The following ILDR2 variants were observed in gnomAD, a reference collection of about 807,000 sequenced individuals.
The protein encoded by ILDR2 is immunoglobulin like domain containing receptor 2, also known as immunoglobulin-like domain-containing receptor 2.
A neutral mutation model predicts 66.8 loss-of-function variants in ILDR2; 25 were observed. The observed-to-expected ratio is 0.37, with a 90% CI of 0.27 to 0.52. ILDR2 has a LOEUF of 0.52. ILDR2 is among the 20% of genes least tolerant of loss of function. The probability of loss-of-function intolerance (pLI) is 0.88; values close to 1 mark genes in which losing one functional copy is unlikely to be tolerated. For missense variants in ILDR2, 827 were observed against 876.8 expected (o/e 0.94, Z 0.72); for synonymous variants, 367 against 357.2 (o/e 1.03, Z -0.31).
At chr1:166,923,652 A>G (rs1396470124) in intron 7 of ILDR2, among the ~76,000 whole-genome samples, 3 of 152,208 alleles carry the variant, frequency 2.0e-5, no homozygotes, top group Non-Finnish European at 2.9e-5. Flanking sequence ...AAAAATACAA[A>G]TGGGGGTATC....
intron 3 of ILDR2, among the ~76,000 whole-genome samples, chr1:166,943,220 C>A (rs552247038): frequency 3.3e-4 from 50 of 152,262 alleles, no homozygotes; most frequent in African/African-American, 1.2e-3. Context: ...TGGCCGGGCA[C>A]GGTGGCTCAC....
chr1:166,956,677 T>C (rs960772496), intron 3 of ILDR2, 56 bp downstream of exon 3: 2 of 1,593,036 alleles, frequency 1.3e-6, no homozygotes, highest in Non-Finnish European at 1.7e-6. Context: ...AGGGATAGGA[T>C]ACAGTGCAAG....
chr1:166,944,786 A>G (rs1191055777), intron 3 of ILDR2, among the ~76,000 whole-genome samples: 3 of 152,144 alleles, frequency 2.0e-5, no homozygotes, highest in Non-Finnish European at 4.4e-5. Context: ...CTGCACTAAG[A>G]AGGTGCTTCC....
chr1:166,937,839 A>G (rs1041327148), intron 4 of ILDR2, among the ~76,000 whole-genome samples: 11 of 152,204 alleles, frequency 7.2e-5, no homozygotes, highest in African/African-American at 1.7e-4. Context: ...ATCCCTTTAC[A>G]ATGAACCTCA....
intron 3 of ILDR2, among the ~76,000 whole-genome samples, chr1:166,947,005 C>T (rs1390749169): frequency 6.6e-6 from 1 of 152,146 alleles, no homozygotes; most frequent in East Asian, 1.9e-4. Flanking sequence ...AGGCATTCAC[C>T]ATGCTGCTAC....
At position 166,975,364 on chromosome 1, in the gene ILDR2, G is replaced by C. The variant is rs1663532743; in HGVS notation, c.-96C>G. 1 of 1,098,946 alleles carries C rather than the reference G, an allele frequency of 9.1e-7. No individual in the cohort carries two copies. The highest frequency in any genetic ancestry group is 2.2e-5 in the Admixed American group (1 of 44,594). The allele number at this position is 1,098,946 out of a possible 1,614,324, so 68.1% of individuals were successfully genotyped here. A position where few individuals can be genotyped will look rare whatever the true frequency, so the allele number is the denominator to read the frequency against. ...CACCCCGCGGCAGCGGGCGGCGGCGGAGCGGCGGGCACCGGGCGTCCCTGG... is the reference window on the plus strand; with the variant it reads ...CACCCCGCGGCAGCGGGCGGCGGCGCAGCGGCGGGCACCGGGCGTCCCTGG... On this transcript the variant is annotated 5_prime_UTR_variant, in exon 1 of 10. Transcript: ENST00000271417.
In ILDR2 at chr1:166,918,381, A is replaced by C. The variant is rs150643827; in HGVS notation, c.*974T>G. The C allele has an allele frequency of 6.6e-6, 1 of 152,332 alleles. No homozygotes were observed. The highest frequency in any genetic ancestry group is 1.9e-4 in the East Asian group (1 of 5,188). The allele number at this position is 152,332 out of a possible 1,614,324, so 9.4% of individuals were successfully genotyped here. A position where few individuals can be genotyped will look rare whatever the true frequency, so the allele number is the denominator to read the frequency against. ...GTGAAATGGTCCACATTCAAAATAT[A>C]ATGAGATGATGTTATTTCCCTTTTA... is the stretch of plus-strand genomic sequence containing the variant. On this transcript the variant is annotated 3_prime_UTR_variant, in exon 10 of 10. Coordinates refer to ENST00000271417, the MANE Select transcript of ILDR2 (RefSeq NM_199351.3).
intron 3 of ILDR2, among the ~76,000 whole-genome samples, chr1:166,949,087 G>C (rs1043268532): frequency 6.6e-6 from 1 of 152,218 alleles, no homozygotes; most frequent in African/African-American, 2.4e-5. Context: ...CTTTGGTCAA[G>C]ATCAGTTTCA....
intron 9 of ILDR2, among the ~76,000 whole-genome samples, chr1:166,919,765 G>T (rs904857268): frequency 2.6e-5 from 4 of 152,188 alleles, no homozygotes; most frequent in Non-Finnish European, 5.9e-5. Flanking sequence ...AAAATACACT[G>T]AATTCCTTTG....
intron 7 of ILDR2, among the ~76,000 whole-genome samples, chr1:166,925,933 G>A (rs1275541700): frequency 6.6e-6 from 1 of 152,150 alleles, no homozygotes; most frequent in African/African-American, 2.4e-5. Context: ...CTCTGTCTCT[G>A]GCCCCTTACA....
downstream of ILDR2, among the ~76,000 whole-genome samples, chr1:166,905,064 A>C (rs1363286057): frequency 6.6e-6 from 1 of 152,230 alleles, no homozygotes; most frequent in African/African-American, 2.4e-5. Context: ...GCACATTCTA[A>C]AGTCTCTCAA....
Position 166,915,074 on chromosome 1 carries a change from G to A in ILDR2, c.*4281C>T, listed in dbSNP as rs1482806331. 1 of 152,174 alleles carries A rather than the reference G, an allele frequency of 6.6e-6. No homozygotes were observed. Among genetic ancestry groups the A allele is most frequent in the Non-Finnish European group, 1.5e-5 (1 of 68,028 alleles). 9.4% of individuals were successfully genotyped at this position (152,174 alleles called of 1,614,324 possible). ...TGCTAAAAATATATCAAGAGAATGA[G>A]AAAATTACCTGTAATTCTTGTTGTC... On this transcript the variant is annotated 3_prime_UTR_variant, in exon 10 of 10. Transcript: ENST00000271417.
chr1:166,897,845 T>C (rs1196807297), intron 2 of ILDR2, among the ~76,000 whole-genome samples: 1 of 152,224 alleles, frequency 6.6e-6, no homozygotes, highest in Non-Finnish European at 1.5e-5. Context: ...AAGCATAATG[T>C]TTCCCTGAGT....
intron 2 of ILDR2, among the ~76,000 whole-genome samples, chr1:166,898,938 T>A (rs545299384): frequency 6.6e-6 from 1 of 151,300 alleles, no homozygotes; most frequent in East Asian, 1.9e-4. Context: ...CACATACCTG[T>A]AGTCCCAACA....
intron 3 of ILDR2, among the ~76,000 whole-genome samples, chr1:166,951,527 C>T (rs559686383): frequency 6.6e-6 from 1 of 152,314 alleles, no homozygotes; most frequent in South Asian, 2.1e-4. Flanking sequence ...CTGAAAAATA[C>T]AGCAGTTACC....
rs1317189216 is a variant in ILDR2, at chr1:166,917,046, T to G, written c.*2309A>C. The G allele has an allele frequency of 2.0e-5, 3 of 152,240 alleles. No homozygotes were observed. Among genetic ancestry groups the G allele is most frequent in the African/African-American group, 7.2e-5 (3 of 41,438 alleles). The allele number at this position is 152,240 out of a possible 1,614,324, so 9.4% of individuals were successfully genotyped here. ...CAAGTTGAAATCCAAAGCTGGTGAC[T>G]AAGAAATGTTTTTTATCATCTTTTC... On this transcript the variant is annotated 3_prime_UTR_variant, in exon 10 of 10. Coordinates refer to ENST00000271417, the MANE Select transcript of ILDR2 (RefSeq NM_199351.3).
Position 166,897,545 on chromosome 1 carries a change from C to T in ILDR2, n.172-1444G>A, listed in dbSNP as rs77573062. Among the ~76,000 whole-genome samples, 1,235 of 152,242 alleles carry T rather than the reference C, an allele frequency of 8.1e-3. 71 individuals are homozygous for T. The East Asian group carries it at 0.17, about 22-fold the overall frequency. Reference sequence around the variant, plus strand: ...TTTGGAGTTTTGAGCCAAGTGAAACCGACTGGACCTCCCAACCTTAGGGAG... The same window carrying T: ...TTTGGAGTTTTGAGCCAAGTGAAACTGACTGGACCTCCCAACCTTAGGGAG... On this transcript the variant is annotated intron_variant and non_coding_transcript_variant, in intron 2 of 2. Coordinates refer to the ILDR2 transcript ENST00000414590.
chr1:166,961,216 G>A (rs1055448932), intron 1 of ILDR2, among the ~76,000 whole-genome samples: 3 of 152,190 alleles, frequency 2.0e-5, no homozygotes, highest in Admixed American at 1.3e-4. Context: ...ACCCAGGTGG[G>A]TGCTCTACAA....
In ILDR2 at chr1:166,975,341, C is replaced by T. The variant is rs549526856; in HGVS notation, c.-73G>A. 2.9e-6 allele frequency: 4 copies of T among 1,392,736 alleles called. No individual in the cohort carries two copies. Among genetic ancestry groups the T allele is most frequent in the South Asian group, 1.4e-5 (1 of 74,010 alleles). 86.3% of individuals were successfully genotyped at this position (1,392,736 alleles called of 1,614,324 possible). ...GGCTGGAACAGAAGGATCGCTGTCA[C>T]CCCGCGGCAGCGGGCGGCGGCGGAG... On this transcript the variant is annotated 5_prime_UTR_variant, in exon 1 of 10. The change creates a new upstream start codon in the 5' untranslated region. Transcript: ENST00000271417.
Sources: allele counts gnomAD v4.1 joint callset (sites outside exome capture counted in the v4.1 genomes callset), GRCh38; gene constraint gnomAD v4.1.1; transcripts MANE v1.5; gene names NCBI Gene and HGNC (gene_info 2026-07-23, HGNC 2026-07-21).